The following ZBTB44 variants were observed in gnomAD, a reference collection of about 807,000 sequenced individuals.
The protein encoded by ZBTB44 is zinc finger and BTB domain-containing protein 44.
A neutral mutation model predicts 54.0 loss-of-function variants in ZBTB44; 15 were observed. That is an observed-to-expected ratio of 0.28 (90% CI 0.19 to 0.43). ZBTB44 has a LOEUF of 0.43. Ranked by LOEUF, ZBTB44 falls within the 20% of genes least tolerant of loss-of-function variation. ZBTB44 has a pLI of 1.00. For missense variants in ZBTB44, 487 were observed against 707.1 expected, an observed-to-expected ratio of 0.69 and a Z score of 3.53; for synonymous variants, 230 against 250.1, an observed-to-expected ratio of 0.92 and a Z score of 0.76.
chr11:130,313,966 A>ATATATATTTTTTT (rs1160244728), intron 1 of ZBTB44, among the ~76,000 whole-genome samples: 3 of 116,132 alleles, frequency 2.6e-5, no homozygotes, highest in African/African-American at 8.5e-5. Context: ...ATATATATAT[A>ATATATATTTTTTT]TTTTTTTAAA....
At chr11:130,235,917 C>T (rs1193642805) in intron 5 of ZBTB44, among the ~76,000 whole-genome samples, 1 of 151,408 alleles carries the variant, frequency 6.6e-6, no homozygotes, top group Non-Finnish European at 1.5e-5. Flanking sequence ...TTGCAGTAAG[C>T]CGAAATCGTG....
At chr11:130,250,548 G>A (rs982447905) in intron 2 of ZBTB44, among the ~76,000 whole-genome samples, 8 of 152,120 alleles carry the variant, frequency 5.3e-5, no homozygotes, top group East Asian at 3.9e-4. Flanking sequence ...GCATCAGGCC[G>A]GTGCCCCTCT....
At chr11:130,260,660 AT>A (rs35054117) in intron 2 of ZBTB44, among the ~76,000 whole-genome samples, 195 bp downstream of exon 2, 3,847 of 152,262 alleles carry the variant, frequency 0.025, 132 homozygotes, top group African/African-American at 0.077. Flanking sequence ...CCATTCAATT[AT>A]TTTTATCTTC....
chr11:130,295,781 A>C, intron 1 of ZBTB44: 1 of 1,460,704 alleles, frequency 6.8e-7, no homozygotes, highest in Non-Finnish European at 9.6e-7. Context: ...TCATTGTTAA[A>C]ATTCATGCCC....
intron 2 of ZBTB44, among the ~76,000 whole-genome samples, chr11:130,252,201 G>A (rs185681823): frequency 9.9e-5 from 15 of 152,198 alleles, no homozygotes; most frequent in Admixed American, 2.6e-4. Flanking sequence ...AATGGCAGAC[G>A]GATCAATGCA....
At chr11:130,243,679 A>C (rs763662671) in intron 2 of ZBTB44, among the ~76,000 whole-genome samples, 1 of 152,184 alleles carries the variant, frequency 6.6e-6, no homozygotes, top group Non-Finnish European at 1.5e-5. Flanking sequence ...TAGGAATGGA[A>C]GTGGTATATG....
Position 130,272,946 on chromosome 11 carries a change from T to C in ZBTB44, c.-56-11017A>G, listed in dbSNP as rs115975238. On this transcript the variant is annotated intron_variant, in intron 1 of 7. Transcript: ENST00000357899. ...TGTGCCAGTACCACAATGCTTTAAT[T>C]ACTGTTGTTTTGCAGTAAGTTTTGA... is the stretch of plus-strand genomic sequence containing the variant. 9.3e-3 allele frequency among the ~76,000 whole-genome samples: 1,414 copies of C among 152,304 alleles called. 17 individuals carry two copies. Among genetic ancestry groups the C allele is most frequent in the African/African-American group, 0.031 (1,286 of 41,568 alleles).
At chr11:130,266,804 T>C (rs545050210) in intron 1 of ZBTB44, among the ~76,000 whole-genome samples, 2 of 152,322 alleles carry the variant, frequency 1.3e-5, no homozygotes, top group East Asian at 3.9e-4. Context: ...TTGCTCCTTG[T>C]GGATAAGCAA....
At position 130,275,759 on chromosome 11, in the gene ZBTB44, C is replaced by CT. The variant is rs370710929; in HGVS notation, c.-56-13831dup. 7.3e-4 allele frequency among the ~76,000 whole-genome samples: 111 copies of CT among 152,196 alleles called. No homozygotes were observed. The East Asian group carries it at 0.019, about 27-fold the overall frequency. ...TCTCCTGCCTCAGCCTCCCAAGTAG[C>CT]TGGGAGTACAGGCGCGTGCCAGCAT... On this transcript the variant is annotated intron_variant, in intron 1 of 7. Coordinates refer to ENST00000357899, the MANE Select transcript of ZBTB44 (RefSeq NM_001301098.2).
intron 1 of ZBTB44, among the ~76,000 whole-genome samples, chr11:130,268,202 A>G (rs1313304357): frequency 7.0e-6 from 1 of 142,454 alleles, no homozygotes; most frequent in Non-Finnish European, 1.5e-5. Flanking sequence ...AATGCAATGG[A>G]GTGAGACCCA....
chr11:130,244,397 G>A (rs1361888178), intron 2 of ZBTB44, among the ~76,000 whole-genome samples: 3 of 152,166 alleles, frequency 2.0e-5, no homozygotes, highest in African/African-American at 7.2e-5. Flanking sequence ...GCCGGGTGCA[G>A]TGGCTCATGC....
At chr11:130,262,526 T>C (rs149713364) in intron 1 of ZBTB44, among the ~76,000 whole-genome samples, 3 of 152,318 alleles carry the variant, frequency 2.0e-5, no homozygotes, top group African/African-American at 4.8e-5. Flanking sequence ...CCAGACAGTA[T>C]TTGAAATGCT....
chr11:130,303,092 T>C (rs1472631811), intron 1 of ZBTB44, among the ~76,000 whole-genome samples: 1 of 152,216 alleles, frequency 6.6e-6, no homozygotes, highest in Non-Finnish European at 1.5e-5. Flanking sequence ...AAATACACTA[T>C]TGGATATGCT....
At chr11:130,247,692 T>C (rs637690) in intron 2 of ZBTB44, among the ~76,000 whole-genome samples, 95,131 of 152,026 alleles carry the variant, frequency 0.63, 31,307 homozygotes, top group Admixed American at 0.73. Flanking sequence ...CTTTACAAGG[T>C]ATAACACAGA....
rs532876087 is a variant in ZBTB44, at chr11:130,228,810, G to T, written c.*2954C>A. ...ACACTGGAGCTCCTCCCACCACTAG[G>T]CACCAATTTTATCAGTATATCGCCA... On this transcript the variant is annotated 3_prime_UTR_variant, in exon 8 of 8. Coordinates refer to ENST00000357899, the MANE Select transcript of ZBTB44 (RefSeq NM_001301098.2). 5.9e-5 allele frequency: 9 copies of T among 152,180 alleles called. No individual in the cohort carries two copies. The East Asian group carries it at 1.5e-3, about 26-fold the overall frequency. The allele number at this position is 152,180 out of a possible 1,614,324, so 9.4% of individuals were successfully genotyped here.
intron 1 of ZBTB44, among the ~76,000 whole-genome samples, chr11:130,302,899 T>C (rs111356294): frequency 0.063 from 9,514 of 152,082 alleles, 740 homozygotes; most frequent in African/African-American, 0.18. Flanking sequence ...CTCTTGAACC[T>C]GGAAAGTGCA....
intron 1 of ZBTB44, among the ~76,000 whole-genome samples, chr11:130,283,554 AATTTAT>A (rs1940695349): frequency 6.6e-6 from 1 of 152,180 alleles, no homozygotes; most frequent in African/African-American, 2.4e-5. Context: ...ACTCAATTTA[AATTTAT>A]ATCAAAAGAT....
intron 2 of ZBTB44, among the ~76,000 whole-genome samples, chr11:130,247,989 A>C (rs649373): frequency 0.63 from 95,103 of 152,054 alleles, 31,291 homozygotes; most frequent in Admixed American, 0.73. Flanking sequence ...GGGCAAGTGG[A>C]AACAAAAGGA....
Position 130,238,547 on chromosome 11 carries a change from C to T in ZBTB44, c.1164G>A (p.Glu388=). The stretch of plus-strand genomic sequence containing the variant: ...TGTCGGGACCATTTGGACTTGGTCG[C>T]TCTGTACTGCTGGTGGAAGGAGCAA... ...LYIAPSTSST[E]RPSPNGPDRP... Residue 388 remains glutamate, a synonymous_variant, in exon 4 of 8, where the codon GAG becomes GAA. Transcript: ENST00000357899. 8 of 1,613,034 alleles carry T rather than the reference C, an allele frequency of 5.0e-6. No individual in the cohort carries two copies. The highest frequency in any genetic ancestry group is 6.8e-6 in the Non-Finnish European group (8 of 1,179,620).
Sources: allele counts gnomAD v4.1 joint callset (sites outside exome capture counted in the v4.1 genomes callset), GRCh38; gene constraint gnomAD v4.1.1; transcripts MANE v1.5; gene names NCBI Gene and HGNC (gene_info 2026-07-23, HGNC 2026-07-21).